MKRN2: variants seen among roughly 807,000 people sequenced by gnomAD.
The protein encoded by MKRN2 is E3 ubiquitin-protein ligase makorin-2.
A neutral mutation model predicts 45.4 loss-of-function variants in MKRN2; 32 were observed. That is an observed-to-expected ratio of 0.70 (90% CI 0.53 to 0.95). MKRN2 has a LOEUF of 0.95. Among genes scored for constraint, MKRN2 ranks in the 40% least tolerant of loss-of-function variants. The probability of loss-of-function intolerance (pLI) is 0.00; values close to 1 mark genes in which losing one functional copy is unlikely to be tolerated. For missense variants in MKRN2, 526 were observed against 536.7 expected, an observed-to-expected ratio of 0.98 and a Z score of 0.20; for synonymous variants, 206 against 192.4, an observed-to-expected ratio of 1.07 and a Z score of -0.59.
intron 6 of MKRN2, among the ~76,000 whole-genome samples, chr3:12,577,768 C>T (rs554681800): frequency 1.6e-4 from 25 of 151,998 alleles, no homozygotes; most frequent in African/African-American, 6.0e-4. Flanking sequence ...CTCTGCCTCT[C>T]GGGTTCAAGC....
intron 6 of MKRN2, among the ~76,000 whole-genome samples, chr3:12,577,679 AT>A (rs11307614): frequency 0.97 from 142,605 of 147,438 alleles, 68,977 homozygotes; most frequent in East Asian, 1. Context: ...TAAAGTGATG[AT>A]TTTTTTTTTT....
intron 4 of MKRN2, 41 bp from the exon 5 acceptor site, chr3:12,574,751 G>A (rs751384598): frequency 1.9e-6 from 3 of 1,569,498 alleles, no homozygotes; most frequent in African/African-American, 1.4e-5. Flanking sequence ...CCACTCCTCA[G>A]TGGCCCACAA....
chr3:12,564,684 A>C (rs1658505910), intron 1 of MKRN2, among the ~76,000 whole-genome samples: 1 of 152,190 alleles, frequency 6.6e-6, no homozygotes, highest in Non-Finnish European at 1.5e-5. Flanking sequence ...CTTTTTAATG[A>C]ATTTACAAAG....
intron 1 of MKRN2, among the ~76,000 whole-genome samples, chr3:12,566,167 T>A (rs1211953240): frequency 6.6e-6 from 1 of 152,166 alleles, no homozygotes; most frequent in East Asian, 1.9e-4. Flanking sequence ...TTATGGATCT[T>A]TAAAGAATCC....
At chr3:12,560,478 TAAA>T (rs10651248) in intron 1 of MKRN2, among the ~76,000 whole-genome samples, 25 of 124,956 alleles carry the variant, frequency 2.0e-4, no homozygotes, top group Admixed American at 4.0e-4. Context: ...TAGGAAAATG[TAAA>T]AAAAAAAAAA....
At chr3:12,566,837 T>C (rs1024611849) in intron 1 of MKRN2, among the ~76,000 whole-genome samples, 8 of 152,000 alleles carry the variant, frequency 5.3e-5, no homozygotes, top group Non-Finnish European at 1.0e-4. Flanking sequence ...TCCTGACCTC[T>C]GGTCATCCAC....
rs561310881 is a variant in MKRN2 at position 12,570,870 on chromosome 3, T to TGA, written c.337+621_337+622dup. Reference sequence around the variant, plus strand: ...TGCACTCCAGCCTGGATGACAAGAGTGAGACTCCCTCTCAAAAAAAAAAAA... The same window carrying TGA: ...TGCACTCCAGCCTGGATGACAAGAGTGAGAGACTCCCTCTCAAAAAAAAAAAA... On this transcript the variant is annotated intron_variant, in intron 3 of 7. Coordinates refer to ENST00000170447, the MANE Select transcript of MKRN2 (RefSeq NM_014160.5). Among the ~76,000 whole-genome samples, 772 of 131,454 alleles carry TGA rather than the reference T, an allele frequency of 5.9e-3. 4 individuals are homozygous for TGA. Among genetic ancestry groups the TGA allele is most frequent in the African/African-American group, 0.021 (735 of 34,488 alleles). The allele number at this position is 131,454 out of a possible 152,430, so 86.2% of individuals were successfully genotyped here.
At chr3:12,562,873 G>A (rs1351500766) in intron 1 of MKRN2, among the ~76,000 whole-genome samples, 2 of 151,986 alleles carry the variant, frequency 1.3e-5, no homozygotes, top group East Asian at 3.9e-4. Context: ...CAAGCTCAGT[G>A]TTCCACTGAT....
intron 1 of MKRN2, among the ~76,000 whole-genome samples, chr3:12,559,004 A>G (rs989245567): frequency 4.6e-5 from 7 of 152,222 alleles, no homozygotes; most frequent in African/African-American, 1.7e-4. Flanking sequence ...ATGCCCTCAT[A>G]GACTGTAGGG....
In MKRN2 at chr3:12,583,629, A is replaced by AAAT. The variant is rs1460332526; in HGVS notation, c.*1379_*1381dup. ...CACCTAAATTTAATTTATTTTATTA[A>AAAT]AATAACATAATTGAGGGACCATCAG... is the stretch of plus-strand genomic sequence containing the variant. On this transcript the variant is annotated 3_prime_UTR_variant, in exon 8 of 8. Transcript: ENST00000170447. 8.6e-6 allele frequency: 2 copies of AAAT among 232,440 alleles called. No homozygotes were observed. Among genetic ancestry groups the AAAT allele is most frequent in the South Asian group, 1.8e-4 (1 of 5,536 alleles). The allele number at this position is 232,440 out of a possible 1,614,324, so 14.4% of individuals were successfully genotyped here.
At chr3:12,581,692 A>G (rs1365930203) in intron 6 of MKRN2, 116 bp from the exon 7 acceptor site, 10 of 1,140,154 alleles carry the variant, frequency 8.8e-6, no homozygotes, top group Non-Finnish European at 1.3e-5. Context: ...CCCCACCTAG[A>G]ATGTGAGGCT....
intron 5 of MKRN2, among the ~76,000 whole-genome samples, chr3:12,575,801 T>G (rs1443700547): frequency 1.3e-5 from 2 of 152,214 alleles, no homozygotes; most frequent in Non-Finnish European, 2.9e-5. Flanking sequence ...CCTGGCCCCT[T>G]TCACTGAGCA....
chr3:12,583,490 A>G lies in MKRN2; in HGVS notation c.*1237A>G, dbSNP rs748821993. On this transcript the variant is annotated 3_prime_UTR_variant, in exon 8 of 8. Coordinates refer to ENST00000170447, the MANE Select transcript of MKRN2 (RefSeq NM_014160.5). The stretch of plus-strand genomic sequence containing the variant: ...TAAATTACAAATTCATTCCCAGCCT[A>G]GGCTCTGGGCACATTTCCTGTTCTT... 1 of 206,646 alleles carries G rather than the reference A, an allele frequency of 4.8e-6. No homozygotes were observed. Among genetic ancestry groups the G allele is most frequent in the African/African-American group, 2.3e-5 (1 of 43,814 alleles). 12.8% of individuals were successfully genotyped at this position (206,646 alleles called of 1,614,324 possible). A position where few individuals can be genotyped will look rare whatever the true frequency, so the allele number is the denominator to read the frequency against.
chr3:12,571,256 G>T lies in MKRN2; in HGVS notation c.338-813G>T, dbSNP rs562459053. Among the ~76,000 whole-genome samples the T allele has an allele frequency of 3.9e-4, 60 of 152,108 alleles. 1 individual carries two copies. The highest frequency in any genetic ancestry group is 8.0e-4 in the African/African-American group (33 of 41,500). On this transcript the variant is annotated intron_variant, in intron 3 of 7. Coordinates refer to ENST00000170447, the MANE Select transcript of MKRN2 (RefSeq NM_014160.5). ...CTTCTGAGTAGCTGGGAATACAGGTGCCCACCACCATGCCCAGCTAATTTT... is the reference window on the plus strand; with the variant it reads ...CTTCTGAGTAGCTGGGAATACAGGTTCCCACCACCATGCCCAGCTAATTTT...
rs2058126342 is a variant in MKRN2, at chr3:12,575,391, G to T, written c.857+385G>T. On this transcript the variant is annotated intron_variant, in intron 5 of 7. Transcript: ENST00000170447. ...TCCCCCCACCAAAAACGAAAATAGG[G>T]TTATTTGAGGATGAAGTGGAATAAT... is the stretch of plus-strand genomic sequence containing the variant. Among the ~76,000 whole-genome samples the T allele has an allele frequency of 2.0e-5, 3 of 152,258 alleles. No homozygotes were observed. The South Asian group carries it at 6.2e-4, about 32-fold the overall frequency.
intron 3 of MKRN2, among the ~76,000 whole-genome samples, chr3:12,571,372 G>A (rs2058098233): frequency 6.6e-6 from 1 of 152,146 alleles, no homozygotes; most frequent in African/African-American, 2.4e-5. Flanking sequence ...GCCTCCCAAA[G>A]TGCTGGGATT....
Position 12,572,362 on chromosome 3 carries a change from G to T in MKRN2, c.631G>T (p.Ala211Ser). 1.3e-6 allele frequency: 2 copies of T among 1,568,514 alleles called. No homozygotes were observed. The highest frequency in any genetic ancestry group is 2.3e-5 in the South Asian group (2 of 85,474). The part of the protein sequence containing the change: ...LHPFDPEQRK[A>S]HEKICMLTFE... ...CCCATTCGACCCAGAGCAGAGGAAG[G>T]CTCATGAAAAGGTAAAGTCACAAAC... The change falls in exon 4 of 8, where the codon GCT (alanine) becomes TCT (serine). Residue 211 changes from alanine to serine, a missense_variant. Physicochemically the swap from Ala to Ser is moderately conservative, Grantham distance 99 (BLOSUM62 1). Coordinates refer to ENST00000170447, the MANE Select transcript of MKRN2 (RefSeq NM_014160.5).
intron 5 of MKRN2, among the ~76,000 whole-genome samples, chr3:12,575,378 A>T (rs1559390852): frequency 1.3e-5 from 2 of 152,176 alleles, no homozygotes; most frequent in Non-Finnish European, 2.9e-5. Context: ...CCCCCACCAA[A>T]AACGAAAATA....
rs763666155 is a variant in MKRN2, at chr3:12,582,099, A to C, written c.1114-17A>C. 6.2e-7 allele frequency: 1 copy of C among 1,614,158 alleles called. No individual in the cohort carries two copies. The highest frequency in any genetic ancestry group is 8.5e-7 in the Non-Finnish European group (1 of 1,180,016). On this transcript the variant is annotated splice_polypyrimidine_tract_variant and intron_variant, in intron 7 of 7. Coordinates refer to ENST00000170447, the MANE Select transcript of MKRN2 (RefSeq NM_014160.5). Reference sequence around the variant, plus strand: ...CTCTTAGCAGTAACCAGGCATGTCCACTGGCTGTTTTTGCAGTTCTTTAAT... The same window carrying C: ...CTCTTAGCAGTAACCAGGCATGTCCCCTGGCTGTTTTTGCAGTTCTTTAAT...
Sources: allele counts gnomAD v4.1 joint callset (sites outside exome capture counted in the v4.1 genomes callset), GRCh38; gene constraint gnomAD v4.1.1; transcripts MANE v1.5; gene names NCBI Gene and HGNC (gene_info 2026-07-23, HGNC 2026-07-21).